Variants in TIPRL observed in about 807,000 individuals in gnomAD.
The protein encoded by TIPRL is TOR signaling pathway regulator.
Under a neutral mutation model 32.3 loss-of-function variants are expected in TIPRL, and 10 were observed. The ratio of observed to expected loss-of-function variants is 0.31; its 90% CI spans 0.19 to 0.52. The LOEUF is 0.52. Ranked by LOEUF, TIPRL falls within the 20% of genes least tolerant of loss-of-function variation. The pLI is 0.96. For synonymous variants in TIPRL, 100 were observed against 114.0 expected (o/e 0.88, Z 0.78); for missense variants, 250 against 328.1 (o/e 0.76, Z 1.84).
intron 1 of TIPRL, among the ~76,000 whole-genome samples, chr1:168,182,424 G>A (rs755447664): frequency 6.6e-6 from 1 of 152,014 alleles, no homozygotes; most frequent in Non-Finnish European, 1.5e-5. Flanking sequence ...TCAGGAGTTC[G>A]AGACCAGCCT....
In TIPRL at chr1:168,201,078, A is replaced by G. The variant is rs1351856074; in HGVS notation, c.*1032A>G. The G allele has an allele frequency of 6.6e-6, 1 of 152,180 alleles. No individual in the cohort carries two copies. The highest frequency in any genetic ancestry group is 2.4e-5 in the African/African-American group (1 of 41,462). 9.4% of individuals were successfully genotyped at this position (152,180 alleles called of 1,614,324 possible). On this transcript the variant is annotated 3_prime_UTR_variant, in exon 7 of 7. Coordinates refer to ENST00000367833, the MANE Select transcript of TIPRL (RefSeq NM_152902.5). Reference sequence around the variant, plus strand: ...AAGACTTAGGGAGTACAGAAAATACACAGAAGTAAATTTCAAATCCATTTG... The same window carrying G: ...AAGACTTAGGGAGTACAGAAAATACGCAGAAGTAAATTTCAAATCCATTTG...
intron 4 of TIPRL, chr1:168,192,240 C>A: frequency 1.4e-6 from 2 of 1,436,654 alleles, no homozygotes; most frequent in South Asian, 2.7e-5. Context: ...CCCAGCTACT[C>A]GGGAGGCTGA....
At chr1:168,187,801 C>G (rs1700045909) in intron 3 of TIPRL, among the ~76,000 whole-genome samples, 1 of 152,064 alleles carries the variant, frequency 6.6e-6, no homozygotes, top group Non-Finnish European at 1.5e-5. Context: ...GGTGAAACCC[C>G]ATCTCTACAA....
chr1:168,193,141 T>TTCA (rs1400583013), intron 4 of TIPRL, among the ~76,000 whole-genome samples: 1 of 152,198 alleles, frequency 6.6e-6, no homozygotes. Flanking sequence ...TGAGCTATGA[T>TTCA]GGTGCCACTG....
chr1:168,185,242 T>C lies in TIPRL; in HGVS notation c.384+364T>C, dbSNP rs1033939490. 7.9e-5 allele frequency among the ~76,000 whole-genome samples: 12 copies of C among 152,304 alleles called. No homozygotes were observed. In the East Asian group the frequency reaches 2.3e-3, roughly 29 times the overall value. ...ACAAGTTTATAGATGAACAAATATA[T>C]GAGCAAAAAGAACTTCTGGTTAGAC... On this transcript the variant is annotated intron_variant, in intron 3 of 6. Transcript: ENST00000367833.
intron 3 of TIPRL, among the ~76,000 whole-genome samples, chr1:168,191,166 G>A (rs16828107): frequency 0.011 from 1,644 of 152,030 alleles, 33 homozygotes; most frequent in African/African-American, 0.037. Context: ...TATAATATTG[G>A]GCATCTGTAA....
rs1041530258 is a variant in TIPRL at position 168,200,870 on chromosome 1, T to C, written c.*824T>C. 6.6e-6 allele frequency: 1 copy of C among 152,170 alleles called. No individual in the cohort carries two copies. The highest frequency in any genetic ancestry group is 2.4e-5 in the African/African-American group (1 of 41,450). The allele number at this position is 152,170 out of a possible 1,614,324, so 9.4% of individuals were successfully genotyped here. On this transcript the variant is annotated 3_prime_UTR_variant, in exon 7 of 7. Transcript: ENST00000367833. ...GTTCGAAAAAGTCTAAAGGGTTTAT[T>C]AGGGGTTGTTTTTCGCAAATATTAC...
At position 168,196,580 on chromosome 1, in the gene TIPRL, C is replaced by T. The variant is rs777036548; in HGVS notation, c.550C>T (p.Arg184Trp). Residue 184 changes from arginine (R) to tryptophan (W), a missense_variant, in exon 5 of 7, where the codon CGG (arginine) becomes TGG (tryptophan). Transcript: ENST00000367833. ...GCCTTCTAGCTTTTTCCTGCTGTTG[C>T]GGTTTTTCTTGAGAATTGATGGGGT... The part of the protein sequence containing the change: ...VMPSSFFLLL[R>W]FFLRIDGVLI... The T allele has an allele frequency of 2.5e-6, 4 of 1,589,040 alleles. No individual in the cohort carries two copies. Among genetic ancestry groups the T allele is most frequent in the Admixed American group, 3.5e-5 (2 of 57,834 alleles).
chr1:168,195,403 A>G (rs1301054062), intron 4 of TIPRL, among the ~76,000 whole-genome samples: 1 of 152,144 alleles, frequency 6.6e-6, no homozygotes, highest in Non-Finnish European at 1.5e-5. Context: ...AGCCTTGTGC[A>G]TACCCATTAT....
intron 4 of TIPRL, among the ~76,000 whole-genome samples, chr1:168,194,210 T>C (rs1179395779): frequency 6.6e-6 from 1 of 152,224 alleles, no homozygotes; most frequent in African/African-American, 2.4e-5. Context: ...TGTGAATGCC[T>C]GGTAAGATAC....
chr1:168,189,186 T>C (rs1425780173), intron 3 of TIPRL, among the ~76,000 whole-genome samples: 1 of 152,156 alleles, frequency 6.6e-6, no homozygotes, highest in African/African-American at 2.4e-5. Flanking sequence ...CAGACTTACT[T>C]TTCTCGGCTC....
chr1:168,182,854 A>G lies in TIPRL; in HGVS notation c.105-1048A>G, dbSNP rs146661572. 6.7e-3 allele frequency among the ~76,000 whole-genome samples: 1,018 copies of G among 152,350 alleles called. 13 individuals carry two copies. Among genetic ancestry groups the G allele is most frequent in the African/African-American group, 0.023 (964 of 41,584 alleles). On this transcript the variant is annotated intron_variant, in intron 1 of 6. Transcript: ENST00000367833. ...TATTTTATGGAATCTTATGGAATATATATTCCAATTACAGTTTATTGTATC... is the reference window on the plus strand; with the variant it reads ...TATTTTATGGAATCTTATGGAATATGTATTCCAATTACAGTTTATTGTATC...
chr1:168,199,629 G>A (rs778272655), intron 6 of TIPRL, among the ~76,000 whole-genome samples: 5 of 152,154 alleles, frequency 3.3e-5, no homozygotes, highest in African/African-American at 9.7e-5. Flanking sequence ...TACAAAAGCA[G>A]GAGATACATA....
At chr1:168,197,653 G>A (rs1572437524) in intron 5 of TIPRL, among the ~76,000 whole-genome samples, 1 of 152,078 alleles carries the variant, frequency 6.6e-6, no homozygotes, top group South Asian at 2.1e-4. Flanking sequence ...CCTAGTAGCT[G>A]GGATTACAGG....
intron 3 of TIPRL, among the ~76,000 whole-genome samples, chr1:168,189,620 T>C (rs755953022): frequency 1.3e-5 from 2 of 152,150 alleles, no homozygotes; most frequent in Non-Finnish European, 2.9e-5. Flanking sequence ...GCTGGGATTA[T>C]AGGCATAAGC....
chr1:168,194,201 G>A (rs1264675972), intron 4 of TIPRL, among the ~76,000 whole-genome samples: 2 of 152,096 alleles, frequency 1.3e-5, no homozygotes, highest in African/African-American at 2.4e-5. Flanking sequence ...TTTCACCTCT[G>A]TGAATGCCTG....
intron 4 of TIPRL, among the ~76,000 whole-genome samples, chr1:168,196,152 G>A (rs1700149556): frequency 6.6e-6 from 1 of 152,222 alleles, no homozygotes; most frequent in South Asian, 2.1e-4. Flanking sequence ...TTTATGTAAA[G>A]TGAATAGGTG....
In TIPRL at chr1:168,185,389, A is replaced by C. The variant is rs144734007; in HGVS notation, c.384+511A>C. 3.9e-5 allele frequency among the ~76,000 whole-genome samples: 6 copies of C among 152,320 alleles called. No individual in the cohort carries two copies. In the East Asian group the frequency reaches 9.7e-4, roughly 25 times the overall value. ...AACAGAAATATCTACCTCAAAGCAGAGTTTTGATGTGAAATAATTTATGGG... is the reference window on the plus strand; with the variant it reads ...AACAGAAATATCTACCTCAAAGCAGCGTTTTGATGTGAAATAATTTATGGG... On this transcript the variant is annotated intron_variant, in intron 3 of 6. Coordinates refer to ENST00000367833, the MANE Select transcript of TIPRL (RefSeq NM_152902.5).
intron 1 of TIPRL, among the ~76,000 whole-genome samples, chr1:168,180,246 A>T (rs1005115302): frequency 1.3e-5 from 2 of 152,170 alleles, no homozygotes; most frequent in Non-Finnish European, 2.9e-5. Context: ...TAAAAAAGGA[A>T]GAGTCTATGC....
Sources: gnomAD v4.1 joint callset for allele counts (sites outside exome capture counted in the v4.1 genomes callset) on GRCh38, gnomAD v4.1.1 for gene constraint, MANE v1.5 for transcripts, NCBI Gene and HGNC (gene_info 2026-07-23, HGNC 2026-07-21) for gene names.